ARMC2: variants seen among roughly 807,000 people sequenced by gnomAD.
ARMC2 encodes armadillo repeat containing 2.
A neutral mutation model predicts 90.3 loss-of-function variants in ARMC2; 67 were observed. The ratio of observed to expected loss-of-function variants is 0.74; its 90% CI spans 0.61 to 0.91. The LOEUF (loss-of-function observed/expected upper bound fraction) is 0.91. Among genes scored for constraint, ARMC2 ranks in the 40% least tolerant of loss-of-function variants. The pLI, the probability that ARMC2 is intolerant of heterozygous loss-of-function variation, is 0.00. For synonymous variants in ARMC2, 393 were observed against 393.0 expected (o/e 1.00, Z 0.00); for missense variants, 920 against 1,030.9 (o/e 0.89, Z 1.47).
chr6:108,963,100 A>G (rs1483225941), intron 15 of ARMC2, among the ~76,000 whole-genome samples: 1 of 152,232 alleles, frequency 6.6e-6, no homozygotes, highest in Non-Finnish European at 1.5e-5. Context: ...GTTATTTATT[A>G]TCAAATAAGA....
intron 3 of ARMC2, among the ~76,000 whole-genome samples, chr6:108,864,649 T>G (rs930154340): frequency 1.3e-5 from 2 of 152,184 alleles, no homozygotes; most frequent in African/African-American, 4.8e-5. Flanking sequence ...GATTAAATTG[T>G]GAGCACCTTT....
intron 12 of ARMC2, among the ~76,000 whole-genome samples, chr6:108,950,964 G>A (rs1158438041): frequency 6.6e-6 from 1 of 152,178 alleles, no homozygotes. Context: ...CTGTGCCACT[G>A]AGTTTATTGC....
intron 1 of ARMC2, among the ~76,000 whole-genome samples, chr6:108,849,218 G>A (rs1252948441): frequency 6.6e-6 from 1 of 152,068 alleles, no homozygotes; most frequent in African/African-American, 2.4e-5. Context: ...CAGATCTTAC[G>A]TCCCACCCTG....
intron 4 of ARMC2, among the ~76,000 whole-genome samples, chr6:108,873,082 G>C (rs1776585978): frequency 6.6e-6 from 1 of 152,206 alleles, no homozygotes; most frequent in Admixed American, 6.5e-5. Context: ...TAAAGGGCCA[G>C]ATAGTCAATA....
chr6:108,867,083 A>T (rs1775893101), intron 3 of ARMC2, among the ~76,000 whole-genome samples: 1 of 152,136 alleles, frequency 6.6e-6, no homozygotes, highest in South Asian at 2.1e-4. Context: ...TTGGATAGTG[A>T]CTCACTCATT....
intron 15 of ARMC2, among the ~76,000 whole-genome samples, chr6:108,962,920 GC>G (rs1778100160): frequency 6.6e-6 from 1 of 152,132 alleles, no homozygotes; most frequent in Non-Finnish European, 1.5e-5. Flanking sequence ...GATCACTTGA[GC>G]CCAGAAGTTT....
the ARMC2 span, among the ~76,000 whole-genome samples, chr6:108,992,468 A>G: frequency 6.6e-6 from 1 of 152,158 alleles, no homozygotes; most frequent in Admixed American, 6.5e-5. Flanking sequence ...AAATATTTTC[A>G]TAATTCTGGT....
chr6:108,907,957 A>G lies in ARMC2; in HGVS notation c.1024-2942A>G. 4 of 1,175,568 alleles carry G rather than the reference A, an allele frequency of 3.4e-6. No individual in the cohort carries two copies. The South Asian group carries it at 4.3e-5, about 13-fold the overall frequency. 72.8% of individuals were successfully genotyped at this position (1,175,568 alleles called of 1,614,324 possible). A position where few individuals can be genotyped will look rare whatever the true frequency, so the allele number is the denominator to read the frequency against. On this transcript the variant is annotated intron_variant, in intron 8 of 17. Transcript: ENST00000392644. ...GGTTTTAAACAATATTATTTTAAAT[A>G]CCTAATCATTAAACATTTATTAAGG...
At chr6:109,013,782 C>A in the ARMC2 span, among the ~76,000 whole-genome samples, 2 of 152,136 alleles carry the variant, frequency 1.3e-5, no homozygotes, top group Admixed American at 6.5e-5. Flanking sequence ...CTTGAAAAAT[C>A]CCCTATTGTC....
chr6:109,009,371 G>A, the ARMC2 span: 5 of 1,468,264 alleles, frequency 3.4e-6, no homozygotes, highest in East Asian at 9.0e-5. Flanking sequence ...CGTCCTGGTC[G>A]CGGCCCCCGC....
intron 5 of ARMC2, among the ~76,000 whole-genome samples, chr6:108,886,548 G>A (rs1049197087): frequency 6.6e-6 from 1 of 152,152 alleles, no homozygotes; most frequent in Non-Finnish European, 1.5e-5. Context: ...TCCAGCCTGG[G>A]CGACAGAGCG....
rs141730156 is a variant in ARMC2 at position 108,942,622 on chromosome 6, C to A, written c.1596+5623C>A. ...CCTATAATTATTTTTTTTTTCAGCT[C>A]CTGGAAACATCCCTGCAAGACTAAC... On this transcript the variant is annotated intron_variant, in intron 12 of 17. Coordinates refer to ENST00000392644, the MANE Select transcript of ARMC2 (RefSeq NM_032131.6). 4.3e-3 allele frequency among the ~76,000 whole-genome samples: 651 copies of A among 151,664 alleles called. 2 individuals carry two copies. The highest frequency in any genetic ancestry group is 0.015 in the African/African-American group (611 of 41,360).
intron 5 of ARMC2, among the ~76,000 whole-genome samples, chr6:108,889,210 A>G (rs1336122346): frequency 6.6e-6 from 1 of 151,942 alleles, no homozygotes; most frequent in Non-Finnish European, 1.5e-5. Flanking sequence ...GAAGTGTGCA[A>G]TCTCGGCTCA....
At chr6:109,031,989 A>G in the ARMC2 span, among the ~76,000 whole-genome samples, 4 of 152,200 alleles carry the variant, frequency 2.6e-5, no homozygotes. Context: ...AATATTGTAA[A>G]TAATTTTGGC....
At position 108,973,462 on chromosome 6, in the gene ARMC2, G is replaced by A. The variant is rs757791916; in HGVS notation, c.2552G>A (p.Arg851Gln). The change falls in exon 18 of 18, where the codon CGA becomes CAA. Residue 851 changes from arginine (R) to glutamine (Q), a missense_variant. Physicochemically the swap from Arg to Gln is conservative, Grantham distance 43 (BLOSUM62 1). Transcript: ENST00000392644. ...FKPVAQQLLN[R>Q]IQRHHTFLEP... is the part of the protein sequence containing the mutation. ...CCTGTGGCACAGCAGCTTCTAAACC[G>A]AATTCAGAGACATCACACCTTCCTG... 6.8e-6 allele frequency: 11 copies of A among 1,613,708 alleles called. No individual in the cohort carries two copies. In the East Asian group the frequency reaches 8.9e-5, roughly 13 times the overall value.
chr6:109,046,998 G>T, the ARMC2 span, among the ~76,000 whole-genome samples: 2 of 75,704 alleles, frequency 2.6e-5, no homozygotes, highest in Non-Finnish European at 5.3e-5. Flanking sequence ...AGGTGGGGGG[G>T]GTCAGCCCCC....
At chr6:108,863,538 T>C (rs1411321777) in intron 3 of ARMC2, among the ~76,000 whole-genome samples, 1 of 152,218 alleles carries the variant, frequency 6.6e-6, no homozygotes, top group African/African-American at 2.4e-5. Flanking sequence ...CTACTCTAGT[T>C]AGATGGTGTT....
chr6:108,894,640 A>T lies in ARMC2; in HGVS notation c.748+97A>T, dbSNP rs561061919. 2.9e-6 allele frequency: 3 copies of T among 1,046,608 alleles called. No homozygotes were observed. The East Asian group carries it at 8.3e-5, about 29-fold the overall frequency. 64.8% of individuals were successfully genotyped at this position (1,046,608 alleles called of 1,614,324 possible). A position where few individuals can be genotyped will look rare whatever the true frequency, so the allele number is the denominator to read the frequency against. Reference sequence around the variant, plus strand: ...TATGTTGGCCACTGGAAACTTAAGGAAGTTTGTCCAATTTGGTCACAAATC... The same window carrying T: ...TATGTTGGCCACTGGAAACTTAAGGTAGTTTGTCCAATTTGGTCACAAATC... On this transcript the variant is annotated intron_variant, in intron 6 of 17. Coordinates refer to ENST00000392644, the MANE Select transcript of ARMC2 (RefSeq NM_032131.6).
intron 11 of ARMC2, among the ~76,000 whole-genome samples, chr6:108,936,097 GCTTGCTTGC>G (rs1775934309): frequency 6.6e-6 from 1 of 152,126 alleles, no homozygotes; most frequent in African/African-American, 2.4e-5. Context: ...GGTTTTGTTT[GCTTGCTTGC>G]TTACTTGCTT....
Sources: allele counts gnomAD v4.1 joint callset (sites outside exome capture counted in the v4.1 genomes callset), GRCh38; gene constraint gnomAD v4.1.1; transcripts MANE v1.5; gene names NCBI Gene and HGNC (gene_info 2026-07-23, HGNC 2026-07-21).